IPO9: variants seen among roughly 807,000 people sequenced by gnomAD.
IPO9 encodes importin 9.
IPO9 carries 28 observed loss-of-function variants against 128.6 expected under a neutral mutation model. The ratio of observed to expected loss-of-function variants is 0.22; its 90% CI spans 0.16 to 0.30. IPO9 has a LOEUF of 0.30. Among genes scored for constraint, IPO9 ranks in the 10% least tolerant of loss-of-function variants. The pLI is 1.00. For synonymous variants in IPO9, 455 were observed against 475.8 expected, an observed-to-expected ratio of 0.96 and a Z score of 0.57; for missense variants, 935 against 1,293.9, an observed-to-expected ratio of 0.72 and a Z score of 4.26.
At chr1:201,830,561 G>C (rs986519295) in intron 1 of IPO9, among the ~76,000 whole-genome samples, 1 of 152,176 alleles carries the variant, frequency 6.6e-6, no homozygotes, top group Admixed American at 6.5e-5. Context: ...TAAAATATCA[G>C]ATCTATACAG....
intron 13 of IPO9, among the ~76,000 whole-genome samples, chr1:201,859,205 A>ATATG (rs1558221396): frequency 5.5e-5 from 8 of 144,530 alleles, no homozygotes; most frequent in African/African-American, 2.0e-4. Flanking sequence ...ATATATATAT[A>ATATG]TAAAGGAAAC....
In IPO9 at chr1:201,864,272, G is replaced by A. The variant is rs2102884826; in HGVS notation, c.1628+665G>A. Among the ~76,000 whole-genome samples the A allele has an allele frequency of 1.3e-5, 2 of 152,298 alleles. 1 individual carries two copies. Among genetic ancestry groups the A allele is most frequent in the South Asian group, 4.1e-4 (2 of 4,826 alleles). On this transcript the variant is annotated intron_variant, in intron 14 of 23. Transcript: ENST00000361565. Reference sequence around the variant, plus strand: ...GCCGTGTGTTATATGTCATTAGAAAGCATTCAAGAACTGCCTGTTTTAATT... The same window carrying A: ...GCCGTGTGTTATATGTCATTAGAAAACATTCAAGAACTGCCTGTTTTAATT...
intron 20 of IPO9, among the ~76,000 whole-genome samples, chr1:201,873,402 G>A (rs1346810482): frequency 7.3e-6 from 1 of 137,040 alleles, no homozygotes; most frequent in Non-Finnish European, 1.5e-5. Context: ...CAAAGATCGT[G>A]CCACTGCATT....
intron 1 of IPO9, among the ~76,000 whole-genome samples, chr1:201,833,740 T>C (rs566915964): frequency 1.3e-5 from 2 of 152,320 alleles, no homozygotes; most frequent in East Asian, 1.9e-4. Context: ...TGGAAGTTAT[T>C]ATGGTGTACA....
chr1:201,841,406 A>G (rs904458972), intron 1 of IPO9, among the ~76,000 whole-genome samples: 2 of 152,238 alleles, frequency 1.3e-5, no homozygotes, highest in African/African-American at 4.8e-5. Flanking sequence ...GAAGTTACAA[A>G]TAAGGGAAGA....
chr1:201,871,700 C>T (rs1680656563), intron 19 of IPO9, among the ~76,000 whole-genome samples: 1 of 151,868 alleles, frequency 6.6e-6, no homozygotes, highest in Non-Finnish European at 1.5e-5. Context: ...ACACATATTT[C>T]TTTTTTTTCC....
rs1401730281 is a variant in IPO9 at position 201,879,174 on chromosome 1, T to C, written c.*3120T>C. 1 of 152,198 alleles carries C rather than the reference T, an allele frequency of 6.6e-6. No individual in the cohort carries two copies. The highest frequency in any genetic ancestry group is 1.5e-5 in the Non-Finnish European group (1 of 68,028). 9.4% of individuals were successfully genotyped at this position (152,198 alleles called of 1,614,324 possible). On this transcript the variant is annotated 3_prime_UTR_variant, in exon 24 of 24. Coordinates refer to ENST00000361565, the MANE Select transcript of IPO9 (RefSeq NM_018085.5). ...TATATGTGACATTGATTTGGGAGAA[T>C]GAACCTACAACAAATGACCCAAAAG... is the stretch of plus-strand genomic sequence containing the variant.
chr1:201,874,107 T>C lies in IPO9; in HGVS notation c.2711-143T>C, dbSNP rs535832977. 3 of 807,368 alleles carry C rather than the reference T, an allele frequency of 3.7e-6. No homozygotes were observed. In the South Asian group the frequency reaches 5.1e-5, roughly 14 times the overall value. 50.0% of individuals were successfully genotyped at this position (807,368 alleles called of 1,614,324 possible). ...ATAAAGTTATTTAACTTTAAGTCAC[T>C]CTTTGGAGACTGGATATAGTCAGGT... is the stretch of plus-strand genomic sequence containing the variant. On this transcript the variant is annotated intron_variant, in intron 20 of 23. Transcript: ENST00000361565.
intron 10 of IPO9, among the ~76,000 whole-genome samples, chr1:201,856,503 C>T (rs1293111461): frequency 2.6e-5 from 4 of 152,110 alleles, no homozygotes; most frequent in Non-Finnish European, 5.9e-5. Context: ...TTCAGAAAAT[C>T]GATCTATCAA....
intron 1 of IPO9, among the ~76,000 whole-genome samples, chr1:201,839,682 A>G: frequency 6.6e-6 from 1 of 152,156 alleles, no homozygotes; most frequent in Admixed American, 6.5e-5. Context: ...CTAAACAGAA[A>G]AAATTAAATC....
chr1:201,847,139 C>G (rs1314195458), intron 1 of IPO9, 140 bp from the exon 2 acceptor site: 2 of 638,876 alleles, frequency 3.1e-6, no homozygotes, highest in Non-Finnish European at 5.5e-6. Context: ...TTGGAGGAAT[C>G]AGTCTTAGCA....
intron 1 of IPO9, among the ~76,000 whole-genome samples, chr1:201,836,498 A>G (rs1402407787): frequency 6.6e-6 from 1 of 152,118 alleles, no homozygotes; most frequent in Non-Finnish European, 1.5e-5. Context: ...TGATCCTTCC[A>G]TGTTAGCCTC....
In IPO9 at chr1:201,854,717, A is replaced by G; in HGVS notation, c.810+3A>G. The G allele has an allele frequency of 6.2e-7, 1 of 1,613,888 alleles. No homozygotes were observed. Among genetic ancestry groups the G allele is most frequent in the Non-Finnish European group, 8.5e-7 (1 of 1,179,960 alleles). ...GGTTTAAGATGGAGGTCCTAAAGGT[A>G]AACACTTACTACCAATGAAATATTT... On this transcript the variant is annotated splice_donor_region_variant and intron_variant, in intron 7 of 23. Transcript: ENST00000361565.
At chr1:201,846,591 T>G (rs1680127348) in intron 1 of IPO9, among the ~76,000 whole-genome samples, 1 of 152,264 alleles carries the variant, frequency 6.6e-6, no homozygotes. Flanking sequence ...GCCAGGCTGG[T>G]CTTAAACTCC....
intron 1 of IPO9, among the ~76,000 whole-genome samples, chr1:201,831,672 A>G (rs1679834826): frequency 6.6e-6 from 1 of 152,140 alleles, no homozygotes; most frequent in South Asian, 2.1e-4. Context: ...AACATGGTGC[A>G]ATATAGTAGC....
chr1:201,832,813 T>C (rs1003955625), intron 1 of IPO9, among the ~76,000 whole-genome samples: 4 of 152,226 alleles, frequency 2.6e-5, no homozygotes, highest in Admixed American at 2.0e-4. Context: ...CAAAAACATT[T>C]GTTACCTTCC....
At position 201,858,993 on chromosome 1, in the gene IPO9, A is replaced by G. The variant is rs1397821124; in HGVS notation, c.1467A>G (p.Ser489=). 6 of 1,602,794 alleles carry G rather than the reference A, an allele frequency of 3.7e-6. No homozygotes were observed. Among genetic ancestry groups the G allele is most frequent in the Non-Finnish European group, 5.1e-6 (6 of 1,171,014 alleles). ...TCATCCTTGCAGACCTCAACCTCTC[A>G]GGTATGTTTCAGCACGTGCCAGGAT... ...TNVILADLNL[S]VSPFLLGRAL... The change falls in exon 13 of 24, where the codon TCA becomes TCG. Residue 489 remains serine, a splice_region_variant and synonymous_variant. Transcript: ENST00000361565.
At chr1:201,857,011 A>G (rs762399212) in intron 10 of IPO9, 85 bp from the exon 11 acceptor site, 18 of 893,964 alleles carry the variant, frequency 2.0e-5, no homozygotes, top group Non-Finnish European at 3.4e-5. Context: ...TTTCAGGATA[A>G]TAGGTTGAAA....
intron 14 of IPO9, among the ~76,000 whole-genome samples, chr1:201,863,942 G>A (rs1412888085): frequency 6.6e-6 from 1 of 152,196 alleles, no homozygotes; most frequent in African/African-American, 2.4e-5. Context: ...GATAGAAGCA[G>A]GATTAGAGTC....
Sources: gnomAD v4.1 joint callset for allele counts (sites outside exome capture counted in the v4.1 genomes callset) on GRCh38, gnomAD v4.1.1 for gene constraint, MANE v1.5 for transcripts, NCBI Gene and HGNC (gene_info 2026-07-23, HGNC 2026-07-21) for gene names.